Variants in RANGAP1 observed in about 807,000 individuals in gnomAD.
RANGAP1 encodes the protein ran GTPase-activating protein 1.
Under a neutral mutation model 63.5 loss-of-function variants are expected in RANGAP1, and 38 were observed. The observed-to-expected ratio is 0.60, with a 90% confidence interval of 0.46 to 0.78. The LOEUF is 0.78. RANGAP1 is among the 30% of genes least tolerant of loss of function. The pLI is 0.00. For missense variants in RANGAP1, 630 were observed against 740.3 expected (o/e 0.85, Z 1.73); for synonymous variants, 329 against 310.5 (o/e 1.06, Z -0.63).
upstream of RANGAP1, among the ~76,000 whole-genome samples, chr22:41,288,161 C>A (rs934653115): frequency 1.3e-5 from 2 of 152,128 alleles, no homozygotes; most frequent in African/African-American, 4.8e-5. Flanking sequence ...TCTCAAAGTT[C>A]CTGAGATGTG....
intron 3 of RANGAP1, among the ~76,000 whole-genome samples, chr22:41,272,943 G>A (rs1366420429): frequency 6.6e-6 from 1 of 152,082 alleles, no homozygotes; most frequent in African/African-American, 2.4e-5. Flanking sequence ...CTCCCAAGGA[G>A]CTGGGACCAT....
intron 2 of RANGAP1, among the ~76,000 whole-genome samples, chr22:41,280,320 T>C (rs1433301498): frequency 1.3e-5 from 2 of 152,150 alleles, no homozygotes; most frequent in Admixed American, 1.3e-4. Flanking sequence ...TGCAGGTGCC[T>C]TCACTTGCAG....
intron 2 of RANGAP1, 32 bp from the exon 3 acceptor site, chr22:41,274,759 T>A: frequency 1.2e-6 from 2 of 1,611,508 alleles, no homozygotes; most frequent in Non-Finnish European, 1.7e-6. Flanking sequence ...AACCTTAGGC[T>A]TTTGGAATCA....
At chr22:41,275,446 C>T (rs545744479) in intron 2 of RANGAP1, among the ~76,000 whole-genome samples, 19 of 150,718 alleles carry the variant, frequency 1.3e-4, no homozygotes, top group African/African-American at 4.2e-4. Context: ...GAGCCGAGAT[C>T]ATGTCACTGC....
intron 13 of RANGAP1, 50 bp from the exon 14 acceptor site, chr22:41,249,867 G>T (rs57516944): frequency 7.8e-6 from 12 of 1,537,544 alleles, no homozygotes; most frequent in Non-Finnish European, 1.1e-5. Flanking sequence ...GCAGAGGGCT[G>T]GGCCAAGGCA....
At chr22:41,294,203 C>T in the RANGAP1 span, among the ~76,000 whole-genome samples, 2 of 152,210 alleles carry the variant, frequency 1.3e-5, no homozygotes, top group Non-Finnish European at 1.5e-5. Context: ...AGGCGTGCGC[C>T]GCCACGCCTG....
At chr22:41,285,748 G>A (rs1182141456) in intron 1 of RANGAP1, 2 of 934,508 alleles carry the variant, frequency 2.1e-6, no homozygotes, top group Admixed American at 6.2e-5. Flanking sequence ...GCAGCTGCAG[G>A]CTGAGCTGCT....
At position 41,245,395 on chromosome 22, in the gene RANGAP1, A is replaced by G. The variant is rs1601567834; in HGVS notation, c.*1208T>C. ...GCAGAAGCCAAGCGAGCTGCAGCCC[A>G]AAGGCAGGGTGCTGGGTGAGGTGTG... is the stretch of plus-strand genomic sequence containing the variant. On this transcript the variant is annotated 3_prime_UTR_variant, in exon 16 of 16. Coordinates refer to ENST00000356244, the MANE Select transcript of RANGAP1 (RefSeq NM_002883.4). Among the ~76,000 whole-genome samples, 1 of 152,202 alleles carries G rather than the reference A, an allele frequency of 6.6e-6. No homozygotes were observed. Among genetic ancestry groups the G allele is most frequent in the East Asian group, 1.9e-4 (1 of 5,190 alleles).
At chr22:41,256,167 C>CA (rs1233000035) in intron 9 of RANGAP1, 24 bp downstream of exon 9, 13 of 1,613,852 alleles carry the variant, frequency 8.1e-6, no homozygotes, top group African/African-American at 1.3e-5. Context: ...CAGACCTGTG[C>CA]AGAGGCCTCC....
rs1395449262 is a variant in RANGAP1, at chr22:41,245,311, A to G, written c.*1292T>C. ...GGAAGGTTGGCTGGGCTGTCCTCAC[A>G]TATGTGGCAGTGGAGCAAAGGATCC... On this transcript the variant is annotated 3_prime_UTR_variant, in exon 16 of 16. Coordinates refer to ENST00000356244, the MANE Select transcript of RANGAP1 (RefSeq NM_002883.4). 6.6e-6 allele frequency among the ~76,000 whole-genome samples: 1 copy of G among 152,218 alleles called. No homozygotes were observed. The highest frequency in any genetic ancestry group is 1.5e-5 in the Non-Finnish European group (1 of 68,028).
chr22:41,263,551 A>C (rs1287215170), intron 5 of RANGAP1, among the ~76,000 whole-genome samples: 1 of 152,028 alleles, frequency 6.6e-6, no homozygotes, highest in African/African-American at 2.4e-5. Flanking sequence ...CACCCAGCTA[A>C]TTTTTGTATT....
the RANGAP1 span, chr22:41,301,668 T>C: frequency 6.6e-6 from 1 of 152,226 alleles, no homozygotes; most frequent in South Asian, 2.1e-4. Flanking sequence ...TTAAATAGCA[T>C]TTACTCTTAT....
At chr22:41,266,615 C>CCTTCA (rs1569193324) in intron 4 of RANGAP1, among the ~76,000 whole-genome samples, 1 of 152,212 alleles carries the variant, frequency 6.6e-6, no homozygotes, top group African/African-American at 2.4e-5. Flanking sequence ...CTCACTGCAA[C>CCTTCA]CTTCACCTCC....
chr22:41,261,353 G>A (rs1423290197), intron 6 of RANGAP1, 93 bp downstream of exon 6: 3 of 1,560,666 alleles, frequency 1.9e-6, no homozygotes, highest in South Asian at 1.2e-5. Context: ...TCTTGGTTGA[G>A]TGCCAGCCCT....
At position 41,257,455 on chromosome 22, in the gene RANGAP1, A is replaced by G. The variant is rs1463281964; in HGVS notation, c.774+493T>C. Among the ~76,000 whole-genome samples, 1 of 152,194 alleles carries G rather than the reference A, an allele frequency of 6.6e-6. No individual in the cohort carries two copies. The highest frequency in any genetic ancestry group is 1.5e-5 in the Non-Finnish European group (1 of 68,040). The stretch of plus-strand genomic sequence containing the variant: ...AGCCAAGCACTAAATGGGGACTCAA[A>G]AAACAGCTGCTGGGCCAGGCACAGT... On this transcript the variant is annotated intron_variant, in intron 7 of 15. Coordinates refer to ENST00000356244, the MANE Select transcript of RANGAP1 (RefSeq NM_002883.4). This position sits in a 1 kb window ranked among gnomAD's most constrained non-coding sequence, Gnocchi z 4.0.
the RANGAP1 span, among the ~76,000 whole-genome samples, chr22:41,292,661 C>T: frequency 7.9e-5 from 12 of 151,708 alleles, no homozygotes; most frequent in South Asian, 2.1e-4. Flanking sequence ...ACAGGAGAAT[C>T]GCTTGAACCC....
chr22:41,289,555 G>A (rs750930339), upstream of RANGAP1, among the ~76,000 whole-genome samples: 15 of 151,954 alleles, frequency 9.9e-5, no homozygotes, highest in Non-Finnish European at 1.6e-4. Flanking sequence ...CCCAAGAGGC[G>A]GAGGTTGCAG....
intron 6 of RANGAP1, among the ~76,000 whole-genome samples, chr22:41,260,854 GAA>G (rs1318752649): frequency 6.6e-6 from 1 of 152,120 alleles, no homozygotes; most frequent in African/African-American, 2.4e-5. Context: ...AAAAAAACAG[GAA>G]AGAGAGGAGG....
intron 2 of RANGAP1, chr22:41,280,555 C>CAGCT (rs139532): frequency 0.4 from 311,067 of 783,502 alleles, 65,514 homozygotes; most frequent in Middle Eastern, 0.44. Context: ...GGGAAAGCTG[C>CAGCT]AGCTATTCCC....
Sources: allele counts gnomAD v4.1 joint callset (sites outside exome capture counted in the v4.1 genomes callset), GRCh38; gene constraint gnomAD v4.1.1; non-coding constraint Gnocchi (gnomAD v3.1); transcripts MANE v1.5; gene names NCBI Gene and HGNC (gene_info 2026-07-23, HGNC 2026-07-21).